FAM78B: variants seen among roughly 807,000 people sequenced by gnomAD.
FAM78B encodes protein FAM78B.
Under a neutral mutation model 20.0 loss-of-function variants are expected in FAM78B, and 10 were observed. The observed-to-expected ratio is 0.50, with a 90% CI of 0.31 to 0.85. The LOEUF (loss-of-function observed/expected upper bound fraction) is 0.85, where lower values mean the gene tolerates loss of function less well. Among genes scored for constraint, FAM78B ranks in the 40% least tolerant of loss-of-function variants. The probability of loss-of-function intolerance (pLI) is 0.05; values close to 1 mark genes in which losing one functional copy is unlikely to be tolerated. For missense variants in FAM78B, 283 were observed against 345.0 expected, an observed-to-expected ratio of 0.82 and a Z score of 1.42; for synonymous variants, 135 against 132.8, an observed-to-expected ratio of 1.02 and a Z score of -0.12.
rs1335792764 is a variant in FAM78B, at chr1:166,070,712, A to G, written c.315T>C (p.Ser105=). 1.2e-6 allele frequency: 2 copies of G among 1,605,490 alleles called. No individual in the cohort carries two copies. Among genetic ancestry groups the G allele is most frequent in the Non-Finnish European group, 1.7e-6 (2 of 1,175,514 alleles). ...AAGGGTAGCTCACCCCATCTGAGTC[A>G]CTGATGGCTTTTACTCTCCCTTCCC... ...DLREGRVKAI[S]DSDGVSYPWY... is the part of the protein sequence containing the mutation. The change falls in exon 2 of 2, where the codon AGT becomes AGC. Residue 105 remains serine (S), a synonymous_variant. Coordinates refer to ENST00000354422, the MANE Select transcript of FAM78B (RefSeq NM_001017961.5).
At chr1:166,072,215 C>T (rs1652077444) in intron 1 of FAM78B, among the ~76,000 whole-genome samples, 1 of 152,150 alleles carries the variant, frequency 6.6e-6, no homozygotes. Context: ...CACATGGGGA[C>T]ATGGAGACAC....
At chr1:166,160,321 G>A (rs558264670) in intron 1 of FAM78B, among the ~76,000 whole-genome samples, 1 of 152,342 alleles carries the variant, frequency 6.6e-6, no homozygotes, top group South Asian at 2.1e-4. Flanking sequence ...CCACAAGTCC[G>A]GGATTAATGA....
chr1:166,097,252 G>C (rs1459550319), intron 1 of FAM78B, among the ~76,000 whole-genome samples: 1 of 152,212 alleles, frequency 6.6e-6, no homozygotes, highest in Non-Finnish European at 1.5e-5. Flanking sequence ...TTCCTGCCTG[G>C]CACCATAGGG....
At chr1:166,155,617 A>G (rs1655863313) in intron 1 of FAM78B, among the ~76,000 whole-genome samples, 1 of 152,314 alleles carries the variant, frequency 6.6e-6, no homozygotes, top group East Asian at 1.9e-4. Context: ...GTTGGGGGTT[A>G]GTTTGTGGCA....
At chr1:166,061,710 C>A (rs904507720) in intron 2 of FAM78B, among the ~76,000 whole-genome samples, 1 of 152,210 alleles carries the variant, frequency 6.6e-6, no homozygotes, top group African/African-American at 2.4e-5. Context: ...CTCTTTGGTG[C>A]CACTTCCCCT....
chr1:166,078,662 C>T (rs1219998526), intron 1 of FAM78B, among the ~76,000 whole-genome samples: 1 of 152,146 alleles, frequency 6.6e-6, no homozygotes, highest in Non-Finnish European at 1.5e-5. Context: ...AAAAGAACCC[C>T]ACTTTGCTCC....
At chr1:166,116,633 C>T (rs1654268315) in intron 1 of FAM78B, among the ~76,000 whole-genome samples, 1 of 152,216 alleles carries the variant, frequency 6.6e-6, no homozygotes, top group Non-Finnish European at 1.5e-5. Flanking sequence ...CTCTAGGACC[C>T]TTCAGAAAGA....
At chr1:166,109,890 G>GTATATATGTATGTA (rs1557903394) in intron 1 of FAM78B, among the ~76,000 whole-genome samples, 3 of 23,198 alleles carry the variant, frequency 1.3e-4, no homozygotes, top group Non-Finnish European at 3.4e-4. Context: ...ATGTATATAT[G>GTATATATGTATGTA]TATATATATA....
chr1:166,120,845 C>T (rs1401697878), intron 1 of FAM78B, among the ~76,000 whole-genome samples: 1 of 152,218 alleles, frequency 6.6e-6, no homozygotes, highest in African/African-American at 2.4e-5. Flanking sequence ...CTCCAGAACC[C>T]TGGCCATATC....
intron 1 of FAM78B, among the ~76,000 whole-genome samples, chr1:166,121,326 C>T (rs1654458800): frequency 6.6e-6 from 1 of 152,126 alleles, no homozygotes; most frequent in Non-Finnish European, 1.5e-5. Flanking sequence ...TCTACACCCT[C>T]ACCTCGGTCA....
chr1:166,146,893 G>A (rs1655477887), intron 1 of FAM78B, among the ~76,000 whole-genome samples: 1 of 152,144 alleles, frequency 6.6e-6, no homozygotes, highest in Non-Finnish European at 1.5e-5. Context: ...TATTGAATGT[G>A]CAGGCTTGGT....
At chr1:166,116,492 G>A (rs577019488) in intron 1 of FAM78B, among the ~76,000 whole-genome samples, 92 of 152,300 alleles carry the variant, frequency 6.0e-4, no homozygotes, top group Admixed American at 1.0e-3. Context: ...CTATCAAGAA[G>A]GTACTTTGGG....
In FAM78B at chr1:166,071,699, AG is replaced by A. The variant is rs542189385; in HGVS notation, c.264-937del. 2.1e-4 allele frequency among the ~76,000 whole-genome samples: 32 copies of A among 152,376 alleles called. No individual in the cohort carries two copies. The East Asian group carries it at 6.0e-3, about 28-fold the overall frequency. ...CATTTTTATTTCCATTTTACACACAAGGGGATGAAGGCTTAAAGATGTTAAG... is the reference window on the plus strand; with the variant it reads ...CATTTTTATTTCCATTTTACACACAAGGGATGAAGGCTTAAAGATGTTAAG... On this transcript the variant is annotated intron_variant, in intron 1 of 1. Coordinates refer to ENST00000354422, the MANE Select transcript of FAM78B (RefSeq NM_001017961.5).
chr1:166,080,495 C>T (rs927200116), intron 1 of FAM78B, among the ~76,000 whole-genome samples: 2 of 152,218 alleles, frequency 1.3e-5, no homozygotes, highest in African/African-American at 4.8e-5. Context: ...ATGCCAGGCA[C>T]TGTCCTGAGA....
chr1:166,108,157 GAGAA>G (rs950695611), intron 1 of FAM78B, among the ~76,000 whole-genome samples: 1 of 151,336 alleles, frequency 6.6e-6, no homozygotes, highest in African/African-American at 2.4e-5. Context: ...AATCAGACAA[GAGAA>G]AGAAATAAAG....
chr1:166,122,910 C>CTAGA (rs1553221270), intron 1 of FAM78B, among the ~76,000 whole-genome samples: 1 of 152,142 alleles, frequency 6.6e-6, no homozygotes, highest in African/African-American at 2.4e-5. Context: ...TTATTCACAG[C>CTAGA]TATCTGAGGC....
At chr1:166,114,550 C>T (rs369371073) in intron 1 of FAM78B, among the ~76,000 whole-genome samples, 2 of 152,182 alleles carry the variant, frequency 1.3e-5, no homozygotes, top group East Asian at 1.9e-4. Context: ...AGAAGAAATG[C>T]ACTGCAAGCA....
intron 1 of FAM78B, among the ~76,000 whole-genome samples, chr1:166,101,411 A>T (rs897445226): frequency 2.0e-5 from 3 of 152,184 alleles, no homozygotes; most frequent in African/African-American, 7.2e-5. Flanking sequence ...AGGAAGTTTG[A>T]ACCCATGGTG....
At chr1:166,063,359 C>G (rs1479287324) in intron 2 of FAM78B, among the ~76,000 whole-genome samples, 1 of 152,224 alleles carries the variant, frequency 6.6e-6, no homozygotes, top group African/African-American at 2.4e-5. Flanking sequence ...TGAAGCAGGG[C>G]TGGGACTAGG....
Sources: allele counts gnomAD v4.1 joint callset (sites outside exome capture counted in the v4.1 genomes callset), GRCh38; gene constraint gnomAD v4.1.1; transcripts MANE v1.5; gene names NCBI Gene and HGNC (gene_info 2026-07-23, HGNC 2026-07-21).